Variants in PRKAR1B observed in about 807,000 individuals in gnomAD.
PRKAR1B encodes protein kinase cAMP-dependent type I regulatory subunit beta.
In PRKAR1B, 22 loss-of-function variants were observed where a neutral mutation model predicts 46.5. That is an observed-to-expected ratio of 0.47 (90% CI 0.34 to 0.68). The LOEUF is 0.68. Ranked by LOEUF, PRKAR1B falls within the 30% of genes least tolerant of loss-of-function variation. PRKAR1B has a pLI of 0.01. For synonymous variants in PRKAR1B, 259 were observed against 217.7 expected (o/e 1.19, Z -1.67); for missense variants, 445 against 535.6 (o/e 0.83, Z 1.67).
chr7:651,035 C>T (rs1784878507), intron 4 of PRKAR1B, among the ~76,000 whole-genome samples: 1 of 152,214 alleles, frequency 6.6e-6, no homozygotes, highest in East Asian at 1.9e-4. Flanking sequence ...GCCATTCAAG[C>T]CCTGCTGCCT....
intron 1 of PRKAR1B, among the ~76,000 whole-genome samples, chr7:718,726 T>C (rs1780970727): frequency 6.6e-6 from 1 of 152,128 alleles, no homozygotes; most frequent in Non-Finnish European, 1.5e-5. Context: ...CCCACTTTTC[T>C]TCTGCCTTCC....
chr7:665,464 T>A (rs1020296698), intron 4 of PRKAR1B, among the ~76,000 whole-genome samples: 2 of 152,160 alleles, frequency 1.3e-5, no homozygotes, highest in Non-Finnish European at 2.9e-5. Flanking sequence ...GCATACATCA[T>A]CTGATGCAAG....
rs150105889 is a variant in PRKAR1B at position 623,253 on chromosome 7, G to C, written c.441-15801C>G. Among the ~76,000 whole-genome samples, 951 of 152,282 alleles carry C rather than the reference G, an allele frequency of 6.2e-3. 11 individuals carry two copies. The highest frequency in any genetic ancestry group is 0.022 in the African/African-American group (897 of 41,554). ...AAAGCAGAGCTCCTGCTCCCGGCTG[G>C]GGTGCCAACAGCACGGTGTTCTCAA... On this transcript the variant is annotated intron_variant, in intron 4 of 10. Coordinates refer to ENST00000537384, the MANE Select transcript of PRKAR1B (RefSeq NM_001164760.2).
intron 3 of PRKAR1B, 76 bp downstream of exon 3, chr7:680,480 G>A: frequency 7.1e-7 from 1 of 1,413,018 alleles, no homozygotes; most frequent in South Asian, 1.4e-5. Context: ...GTGCCCCGTG[G>A]GCTTCCAGGG....
intron 2 of PRKAR1B, among the ~76,000 whole-genome samples, chr7:697,427 A>G (rs1159567022): frequency 6.6e-6 from 1 of 152,102 alleles, no homozygotes; most frequent in Non-Finnish European, 1.5e-5. Flanking sequence ...GTTTTCTGAG[A>G]GGCGGCTGAT....
intron 4 of PRKAR1B, among the ~76,000 whole-genome samples, chr7:629,186 T>C (rs1347057333): frequency 6.6e-6 from 1 of 152,228 alleles, no homozygotes; most frequent in South Asian, 2.1e-4. Flanking sequence ...CATGGCACAG[T>C]GACAGGATTC....
chr7:575,509 G>C (rs892673767), intron 9 of PRKAR1B, among the ~76,000 whole-genome samples: 2 of 152,220 alleles, frequency 1.3e-5, no homozygotes, highest in African/African-American at 4.8e-5. Context: ...CCACAGGAAA[G>C]ACAGCCAAGA....
chr7:701,449 T>C (rs184550933), intron 2 of PRKAR1B, among the ~76,000 whole-genome samples: 2 of 151,950 alleles, frequency 1.3e-5, no homozygotes, highest in East Asian at 1.9e-4. Flanking sequence ...GAAAAAGAGA[T>C]TGGTACAGAA....
intron 1 of PRKAR1B, among the ~76,000 whole-genome samples, chr7:715,955 T>C (rs1470104313): frequency 6.6e-6 from 1 of 152,272 alleles, no homozygotes; most frequent in Non-Finnish European, 1.5e-5. Context: ...GACCTCGTGA[T>C]CCGCCCGCCT....
chr7:639,013 G>A (rs1347010170), intron 4 of PRKAR1B, among the ~76,000 whole-genome samples: 1 of 152,188 alleles, frequency 6.6e-6, no homozygotes, highest in East Asian at 1.9e-4. Context: ...GGGAGGTGAA[G>A]GTTGTGTTGA....
Position 551,909 on chromosome 7 carries a change from C to T in PRKAR1B, c.892-439G>A, listed in dbSNP as rs1040552491. On this transcript the variant is annotated intron_variant, in intron 9 of 10. Transcript: ENST00000537384. ...CCGCCCAGGTCCTTCTCCAGAGCCA[C>T]TGCCACCACCACGTCACCACCCAAA... Among the ~76,000 whole-genome samples, 450 of 119,068 alleles carry T rather than the reference C, an allele frequency of 3.8e-3. 3 individuals carry two copies. The highest frequency in any genetic ancestry group is 5.7e-3 in the Non-Finnish European group (326 of 57,052). The allele number at this position is 119,068 out of a possible 152,430, so 78.1% of individuals were successfully genotyped here. A position where few individuals can be genotyped will look rare whatever the true frequency, so the allele number is the denominator to read the frequency against.
At chr7:614,099 G>A (rs1462687759) in intron 4 of PRKAR1B, among the ~76,000 whole-genome samples, 1 of 152,234 alleles carries the variant, frequency 6.6e-6, no homozygotes, top group Non-Finnish European at 1.5e-5. Context: ...ACAGACGCCT[G>A]CAGACTCCAC....
At chr7:642,682 G>A (rs1784447899) in intron 4 of PRKAR1B, among the ~76,000 whole-genome samples, 1 of 149,092 alleles carries the variant, frequency 6.7e-6, no homozygotes, top group South Asian at 2.1e-4. Flanking sequence ...CCAGTGAGCC[G>A]AGATCCCGCC....
intron 8 of PRKAR1B, among the ~76,000 whole-genome samples, chr7:582,698 A>G (rs954265416): frequency 6.6e-6 from 1 of 152,212 alleles, no homozygotes; most frequent in African/African-American, 2.4e-5. Context: ...CATGGCCTGC[A>G]GCAACCGTTG....
chr7:613,405 A>C (rs1199353170), intron 4 of PRKAR1B, among the ~76,000 whole-genome samples: 1 of 152,108 alleles, frequency 6.6e-6, no homozygotes, highest in Non-Finnish European at 1.5e-5. Flanking sequence ...AAAGCAACCA[A>C]AAGAGGCAAA....
intron 9 of PRKAR1B, among the ~76,000 whole-genome samples, chr7:569,305 C>G (rs1375597412): frequency 6.6e-6 from 1 of 152,184 alleles, no homozygotes; most frequent in Middle Eastern, 3.2e-3. Context: ...GAACAGCCTG[C>G]CGGCCGCCCC....
chr7:567,401 C>A (rs112081029), intron 9 of PRKAR1B, among the ~76,000 whole-genome samples: 1 of 148,564 alleles, frequency 6.7e-6, no homozygotes, highest in Non-Finnish European at 1.5e-5. Flanking sequence ...TCATCATCAC[C>A]ATCACCTCCA....
intron 4 of PRKAR1B, among the ~76,000 whole-genome samples, chr7:672,237 G>A (rs1339857974): frequency 6.6e-6 from 1 of 151,716 alleles, no homozygotes; most frequent in African/African-American, 2.4e-5. Flanking sequence ...TGCAATCTCC[G>A]CCACCCGGGT....
chr7:644,555 C>T lies in PRKAR1B; in HGVS notation c.440+32674G>A, dbSNP rs1322269573. Among the ~76,000 whole-genome samples, 1 of 152,196 alleles carries T rather than the reference C, an allele frequency of 6.6e-6. No homozygotes were observed. Among genetic ancestry groups the T allele is most frequent in the East Asian group, 1.9e-4 (1 of 5,194 alleles). On this transcript the variant is annotated intron_variant, in intron 4 of 10. Transcript: ENST00000537384. This position sits in a 1 kb window ranked among gnomAD's most constrained non-coding sequence, Gnocchi z 4.9. ...CACTCCCCGCTGCCAGGGAGCCCTC[C>T]CAGCACTGAGGGGGCACCAGTCTGG...
Sources: gnomAD v4.1 joint callset for allele counts (sites outside exome capture counted in the v4.1 genomes callset) on GRCh38, gnomAD v4.1.1 for gene constraint, Gnocchi (gnomAD v3.1) non-coding constraint, MANE v1.5 for transcripts, NCBI Gene and HGNC (gene_info 2026-07-23, HGNC 2026-07-21) for gene names.